BCKDHB: variants seen among roughly 807,000 people sequenced by gnomAD.
BCKDHB encodes 2-oxoisovalerate dehydrogenase subunit beta, mitochondrial.
A neutral mutation model predicts 48.5 loss-of-function variants in BCKDHB; 41 were observed. That is an observed-to-expected ratio of 0.85 (90% CI 0.66 to 1.10). The LOEUF is 1.10. BCKDHB is among the 50% of genes least tolerant of loss of function. The pLI, the probability that BCKDHB is intolerant of heterozygous loss-of-function variation, is 0.00. For missense variants in BCKDHB, 496 were observed against 494.2 expected (o/e 1.00, Z -0.03); for synonymous variants, 201 against 174.8 (o/e 1.15, Z -1.18).
the BCKDHB span, among the ~76,000 whole-genome samples, chr6:80,444,967 G>A: frequency 6.6e-6 from 1 of 152,104 alleles, no homozygotes; most frequent in Non-Finnish European, 1.5e-5. Context: ...AAGAGAATGA[G>A]ATGGCCTCAA....
chr6:80,444,368 T>G, the BCKDHB span, among the ~76,000 whole-genome samples: 27 of 152,176 alleles, frequency 1.8e-4, no homozygotes, highest in Admixed American at 1.8e-3. Flanking sequence ...TTTAAGAGGC[T>G]AATGTAAACA....
chr6:80,281,410 G>T (rs1778188910), intron 9 of BCKDHB, among the ~76,000 whole-genome samples: 2 of 152,152 alleles, frequency 1.3e-5, no homozygotes, highest in Admixed American at 1.3e-4. Flanking sequence ...ATATGGCCAA[G>T]AATATTAAAT....
At chr6:80,387,475 G>C in the BCKDHB span, among the ~76,000 whole-genome samples, 3 of 152,208 alleles carry the variant, frequency 2.0e-5, no homozygotes, top group African/African-American at 7.2e-5. Context: ...CCACATCCCT[G>C]TTCTACTCTC....
At chr6:80,354,593 AT>A in the BCKDHB span, among the ~76,000 whole-genome samples, 2 of 152,202 alleles carry the variant, frequency 1.3e-5, no homozygotes, top group Non-Finnish European at 1.5e-5. Context: ...GCCTAGACCA[AT>A]GTGCAGAAGA....
chr6:80,400,208 G>A, the BCKDHB span, among the ~76,000 whole-genome samples: 10 of 151,950 alleles, frequency 6.6e-5, no homozygotes, highest in South Asian at 2.1e-4. Context: ...AAGCAATTGC[G>A]ACAAAACCCA....
the BCKDHB span, among the ~76,000 whole-genome samples, chr6:80,394,434 GTTA>G: frequency 2.6e-5 from 4 of 151,722 alleles, no homozygotes; most frequent in African/African-American, 9.7e-5. Flanking sequence ...GACAATCTGA[GTTA>G]TTGTTTTTTT....
intron 8 of BCKDHB, among the ~76,000 whole-genome samples, chr6:80,250,921 T>C (rs1019497970): frequency 1.3e-5 from 2 of 152,210 alleles, no homozygotes; most frequent in Admixed American, 6.5e-5. Context: ...TTAGTAGTTA[T>C]AGAAGCAATT....
At chr6:80,364,145 A>G in the BCKDHB span, among the ~76,000 whole-genome samples, 3 of 152,246 alleles carry the variant, frequency 2.0e-5, no homozygotes, top group African/African-American at 7.2e-5. Flanking sequence ...TCATGTGTGT[A>G]TGAATCATGT....
the BCKDHB span, among the ~76,000 whole-genome samples, chr6:80,464,092 A>T: frequency 6.6e-6 from 1 of 152,018 alleles, no homozygotes. Flanking sequence ...CACAGATTAC[A>T]AGTGCATTGA....
chr6:80,282,951 T>C (rs1276414490), intron 9 of BCKDHB, among the ~76,000 whole-genome samples: 2 of 152,152 alleles, frequency 1.3e-5, no homozygotes, highest in Non-Finnish European at 2.9e-5. Flanking sequence ...ATTACTTATT[T>C]TGACATAATT....
the BCKDHB span, among the ~76,000 whole-genome samples, chr6:80,426,395 T>C: frequency 6.6e-6 from 1 of 152,130 alleles, no homozygotes; most frequent in South Asian, 2.1e-4. Context: ...ATTCTCCTTC[T>C]AGCATATTAA....
chr6:80,342,556 GAAAAAAA>G (rs34127398), intron 9 of BCKDHB, among the ~76,000 whole-genome samples: 1 of 24,098 alleles, frequency 4.1e-5, no homozygotes, highest in Non-Finnish European at 7.4e-5. Context: ...CCTCATTTCT[GAAAAAAA>G]AAAAAAAAAA....
chr6:80,210,151 AAAAC>A (rs1774853469), intron 8 of BCKDHB, among the ~76,000 whole-genome samples: 1 of 151,576 alleles, frequency 6.6e-6, no homozygotes, highest in Non-Finnish European at 1.5e-5. Flanking sequence ...AAAAAAAAAA[AAAAC>A]CAGAAGCGTT....
At chr6:80,347,463 A>G (rs1770264280), downstream of BCKDHB, among the ~76,000 whole-genome samples, 1 of 152,212 alleles carries the variant, frequency 6.6e-6, no homozygotes. Context: ...GTCCAGCAGA[A>G]CAGGACATGT....
At chr6:80,369,227 G>C in the BCKDHB span, among the ~76,000 whole-genome samples, 2 of 144,192 alleles carry the variant, frequency 1.4e-5, no homozygotes, top group Non-Finnish European at 3.1e-5. Context: ...TAACATTTGT[G>C]TTGTTATTCG....
chr6:80,191,880 G>A (rs12212660), intron 6 of BCKDHB, among the ~76,000 whole-genome samples: 4 of 152,176 alleles, frequency 2.6e-5, no homozygotes, highest in African/African-American at 9.7e-5. Flanking sequence ...TGAGAGCTTA[G>A]CATCAATCTT....
intron 1 of BCKDHB, among the ~76,000 whole-genome samples, chr6:80,107,445 G>A (rs1010736144): frequency 2.8e-4 from 37 of 133,112 alleles, no homozygotes; most frequent in South Asian, 4.4e-4. Context: ...GTGTGTGTGT[G>A]TATATATCCA....
chr6:80,348,135 A>G (rs987752518), downstream of BCKDHB, among the ~76,000 whole-genome samples: 2 of 152,232 alleles, frequency 1.3e-5, no homozygotes, highest in African/African-American at 4.8e-5. Context: ...AAGATTCAGA[A>G]CTTCTAGAAT....
At chr6:80,134,902 C>A (rs1283646857) in intron 3 of BCKDHB, among the ~76,000 whole-genome samples, 3 of 151,996 alleles carry the variant, frequency 2.0e-5, no homozygotes, top group Non-Finnish European at 4.4e-5. Context: ...TAGGCATACA[C>A]CACTATGCCT....
Sources: gnomAD v4.1 joint callset for allele counts (sites outside exome capture counted in the v4.1 genomes callset) on GRCh38, gnomAD v4.1.1 for gene constraint, MANE v1.5 for transcripts, NCBI Gene and HGNC (gene_info 2026-07-23, HGNC 2026-07-21) for gene names.